Variants in CPNE4 observed in about 807,000 individuals in gnomAD.
CPNE4 encodes the protein copine-4.
Under a neutral mutation model 67.9 loss-of-function variants are expected in CPNE4, and 25 were observed. The ratio of observed to expected loss-of-function variants is 0.37; its 90% CI spans 0.27 to 0.51. CPNE4 has a LOEUF of 0.51. Ranked by LOEUF, CPNE4 falls within the 20% of genes least tolerant of loss-of-function variation. CPNE4 has a pLI of 0.93. For missense variants in CPNE4, 464 were observed against 690.8 expected (o/e 0.67, Z 3.68); for synonymous variants, 242 against 244.9 (o/e 0.99, Z 0.11).
At chr3:131,890,779 C>T (rs987413110) in intron 2 of CPNE4, among the ~76,000 whole-genome samples, 1 of 151,972 alleles carries the variant, frequency 6.6e-6, no homozygotes, top group Non-Finnish European at 1.5e-5. Context: ...AAATAAGAAA[C>T]ATCTATTATT....
At chr3:131,746,845 A>C (rs912589740) in intron 2 of CPNE4, among the ~76,000 whole-genome samples, 1 of 152,136 alleles carries the variant, frequency 6.6e-6, no homozygotes, top group Admixed American at 6.5e-5. Flanking sequence ...AGAAACCTCT[A>C]AACTATTTCC....
chr3:131,847,651 G>A (rs1020296427), intron 2 of CPNE4, among the ~76,000 whole-genome samples: 7 of 152,144 alleles, frequency 4.6e-5, no homozygotes, highest in Middle Eastern at 3.2e-3. Context: ...ATTAAAATAC[G>A]CTTTCTAGTT....
chr3:131,774,659 G>C lies in CPNE4; in HGVS notation c.181-51034C>G, dbSNP rs79982417. The stretch of plus-strand genomic sequence containing the variant: ...ACAATGCAATATGATGTCCCTTGCA[G>C]TCCTTCTCTTTGGTGCTTCAGGGTC... On this transcript the variant is annotated intron_variant, in intron 2 of 15. Coordinates refer to ENST00000429747, the MANE Select transcript of CPNE4 (RefSeq NM_130808.3). Among the ~76,000 whole-genome samples the C allele has an allele frequency of 6.2e-3, 945 of 152,246 alleles. 11 individuals carry two copies. Among genetic ancestry groups the C allele is most frequent in the African/African-American group, 0.021 (870 of 41,556 alleles).
intron 3 of CPNE4, among the ~76,000 whole-genome samples, chr3:131,719,148 C>A (rs189996792): frequency 6.6e-6 from 1 of 152,224 alleles, no homozygotes; most frequent in South Asian, 2.1e-4. Context: ...CTGAACAAGT[C>A]ACTTGCTGCT....
chr3:131,931,214 C>T (rs1259456007), intron 1 of CPNE4, among the ~76,000 whole-genome samples: 1 of 152,168 alleles, frequency 6.6e-6, no homozygotes, highest in Non-Finnish European at 1.5e-5. Context: ...TGAAACTCAA[C>T]TACCACTAAA....
chr3:131,976,456 GT>G (rs2072656558), intron 1 of CPNE4, among the ~76,000 whole-genome samples: 1 of 152,072 alleles, frequency 6.6e-6, no homozygotes, highest in African/African-American at 2.4e-5. Flanking sequence ...AAAGACTTTG[GT>G]TTTTATTATT....
At chr3:131,913,506 G>A (rs1453283991) in intron 1 of CPNE4, among the ~76,000 whole-genome samples, 1 of 152,202 alleles carries the variant, frequency 6.6e-6, no homozygotes. Context: ...AAGAATCAGG[G>A]AAGAAGGGAC....
chr3:131,604,983 C>T (rs1417392496), intron 7 of CPNE4, among the ~76,000 whole-genome samples: 2 of 152,122 alleles, frequency 1.3e-5, no homozygotes, highest in Non-Finnish European at 1.5e-5. Flanking sequence ...TAAATTATTT[C>T]TGTGTGCCAC....
intron 2 of CPNE4, among the ~76,000 whole-genome samples, chr3:131,904,755 T>C (rs115231299): frequency 0.03 from 4,637 of 152,206 alleles, 229 homozygotes; most frequent in African/African-American, 0.11. Context: ...GACCTATGGA[T>C]AGGACTGTCA....
chr3:131,909,249 G>C lies in CPNE4; in HGVS notation c.-1-3805C>G, dbSNP rs1472325332. ...ACAGCTCTTCTAATATTGTGAAGCT[G>C]CTTTATTAACTTCCTGGGATAGACA... On this transcript the variant is annotated intron_variant, in intron 1 of 15. Coordinates refer to ENST00000429747, the MANE Select transcript of CPNE4 (RefSeq NM_130808.3). 2.0e-5 allele frequency among the ~76,000 whole-genome samples: 3 copies of C among 152,120 alleles called. No individual in the cohort carries two copies. The East Asian group carries it at 5.8e-4, about 29-fold the overall frequency.
chr3:131,672,537 G>T (rs116823210), intron 6 of CPNE4, among the ~76,000 whole-genome samples: 132 of 152,030 alleles, frequency 8.7e-4, no homozygotes, highest in Non-Finnish European at 1.6e-3. Context: ...ATTAACTGAG[G>T]TGAGTGCTAT....
chr3:131,741,146 G>A (rs949377880), intron 2 of CPNE4, among the ~76,000 whole-genome samples: 1 of 152,194 alleles, frequency 6.6e-6, no homozygotes, highest in East Asian at 1.9e-4. Context: ...CTAACATAAT[G>A]TAAATTCTAC....
intron 2 of CPNE4, among the ~76,000 whole-genome samples, chr3:131,725,442 A>C (rs2081979514): frequency 6.6e-6 from 1 of 152,196 alleles, no homozygotes; most frequent in Admixed American, 6.5e-5. Flanking sequence ...GCTGACTAGA[A>C]TTTTACAAGT....
At chr3:131,884,608 G>C (rs1444468647) in intron 2 of CPNE4, among the ~76,000 whole-genome samples, 1 of 152,102 alleles carries the variant, frequency 6.6e-6, no homozygotes, top group East Asian at 1.9e-4. Flanking sequence ...TTGGCTCTGT[G>C]TCCCCACCCA....
intron 2 of CPNE4, among the ~76,000 whole-genome samples, chr3:131,775,961 C>T (rs1254788720): frequency 6.6e-6 from 1 of 152,120 alleles, no homozygotes; most frequent in African/African-American, 2.4e-5. Context: ...CTTCCTAAGC[C>T]CTCATGCACA....
At chr3:131,810,190 G>T (rs1471934885) in intron 2 of CPNE4, among the ~76,000 whole-genome samples, 1 of 151,974 alleles carries the variant, frequency 6.6e-6, no homozygotes, top group African/African-American at 2.4e-5. Context: ...GGCAATAAAA[G>T]TAATAAACAA....
At chr3:131,548,516 AG>A (rs1238170659) in intron 14 of CPNE4, among the ~76,000 whole-genome samples, 2 of 152,024 alleles carry the variant, frequency 1.3e-5, no homozygotes, top group Non-Finnish European at 2.9e-5. Context: ...TAAGGTAGCC[AG>A]GGGGAACTTT....
At chr3:131,956,998 C>T (rs1455227392) in intron 1 of CPNE4, among the ~76,000 whole-genome samples, 2 of 152,168 alleles carry the variant, frequency 1.3e-5, no homozygotes, top group Non-Finnish European at 2.9e-5. Context: ...CCATTGTTTT[C>T]TACATGTGTT....
chr3:131,958,970 C>CTTTTTT (rs869035381), intron 1 of CPNE4, among the ~76,000 whole-genome samples: 1 of 19,292 alleles, frequency 5.2e-5, no homozygotes, highest in Non-Finnish European at 8.5e-5. Flanking sequence ...ATACACCTTT[C>CTTTTTT]TTTTTTTTTT....
Sources: gnomAD v4.1 joint callset for allele counts (sites outside exome capture counted in the v4.1 genomes callset) on GRCh38, gnomAD v4.1.1 for gene constraint, MANE v1.5 for transcripts, NCBI Gene and HGNC (gene_info 2026-07-23, HGNC 2026-07-21) for gene names.